SYN1: variants seen among roughly 807,000 people sequenced by gnomAD.
SYN1 encodes the protein synapsin I, also known as synapsin-1.
Under a neutral mutation model 44.6 loss-of-function variants are expected in SYN1, and 8 were observed. The ratio of observed to expected loss-of-function variants is 0.18; its 90% CI spans 0.11 to 0.32. SYN1 has a LOEUF of 0.32. Among genes scored for constraint, SYN1 ranks in the 10% least tolerant of loss-of-function variants. SYN1 has a pLI of 1.00. For missense variants in SYN1, 451 were observed against 639.4 expected (o/e 0.71, Z 3.18); for synonymous variants, 275 against 280.1 (o/e 0.98, Z 0.18).
chrX:47,571,951 C>G lies in SYN1; in HGVS notation c.*913G>C, dbSNP rs1159999943. ...GTTTCCCGACTCTTCTCTTGGGGTT[C>G]AGAGCCGCTGAGGGGTGGGGTGAGT... On this transcript the variant is annotated 3_prime_UTR_variant, in exon 13 of 13. Coordinates refer to ENST00000295987, the MANE Select transcript of SYN1 (RefSeq NM_006950.3). 1 of 161,558 alleles carries G rather than the reference C, an allele frequency of 6.2e-6. No homozygotes were observed. The allele number at this position is 161,558 out of a possible 1,213,427, so 13.3% of individuals were successfully genotyped here.
chrX:47,600,995 G>A (rs767749296), intron 5 of SYN1, among the ~76,000 whole-genome samples: 1 of 111,470 alleles, frequency 9.0e-6, no homozygotes, highest in South Asian at 3.7e-4. Flanking sequence ...AAAGAAAAGA[G>A]CAAACTAAGT....
intron 5 of SYN1, among the ~76,000 whole-genome samples, chrX:47,588,089 G>A (rs2057833615): frequency 8.9e-6 from 1 of 112,117 alleles, no homozygotes; most frequent in African/African-American, 3.2e-5. Context: ...ATTATGTCCC[G>A]GATGGGAATG....
At chrX:47,593,048 G>GT (rs113437831) in intron 5 of SYN1, among the ~76,000 whole-genome samples, 6,926 of 107,296 alleles carry the variant, frequency 0.065, 612 homozygotes, top group African/African-American at 0.22. Context: ...CTAATTTTGT[G>GT]TTTTTTTTGT....
At position 47,574,072 on chromosome X, in the gene SYN1, G is replaced by T. The variant is rs2057769058; in HGVS notation, c.1912C>A (p.Gln638Lys). ...GGCGGCACGTCCTGGCTGGGTTTCT[G>T]GGCCAGCTGTGGTTTGGGACGTCCA... is the stretch of plus-strand genomic sequence containing the variant. Reference protein sequence around the residue: ...PAGRPKPQLAQKPSQDVPPPA... With the variant: ...PAGRPKPQLAKKPSQDVPPPA... Residue 638 changes from glutamine to lysine, a missense_variant, in exon 12 of 13, where the codon CAG becomes AAG. Around this residue, in one of 3 missense-constraint regions of SYN1, gnomAD observed 127 missense variants for 154.8 expected, o/e 0.82. Coordinates refer to ENST00000295987, the MANE Select transcript of SYN1 (RefSeq NM_006950.3). The T allele has an allele frequency of 3.5e-6, 4 of 1,150,215 alleles. No individual in the cohort carries two copies. Among genetic ancestry groups the T allele is most frequent in the Non-Finnish European group, 4.6e-6 (4 of 868,542 alleles). The allele number at this position is 1,150,215 out of a possible 1,213,427, so 94.8% of individuals were successfully genotyped here. A position where few individuals can be genotyped will look rare whatever the true frequency, so the allele number is the denominator to read the frequency against.
chrX:47,606,730 AATAT>A (rs1176440504), intron 3 of SYN1, among the ~76,000 whole-genome samples: 1 of 99,358 alleles, frequency 1.0e-5, no homozygotes, highest in African/African-American at 3.8e-5. Flanking sequence ...CCCTGTCTGA[AATAT>A]ATATATATAT....
intron 1 of SYN1, among the ~76,000 whole-genome samples, chrX:47,607,696 T>C (rs1603072327): frequency 2.9e-5 from 2 of 69,194 alleles, no homozygotes; most frequent in Admixed American, 4.3e-4. Context: ...CTGGACAATA[T>C]AGAGAGACCC....
intron 1 of SYN1, among the ~76,000 whole-genome samples, chrX:47,608,673 C>T (rs184172669): frequency 9.1e-6 from 1 of 109,673 alleles, no homozygotes; most frequent in Admixed American, 9.7e-5. Flanking sequence ...AGGAACATCA[C>T]GAACTGCTAT....
At chrX:47,584,739 C>T (rs1395007744) in intron 5 of SYN1, among the ~76,000 whole-genome samples, 1 of 111,842 alleles carries the variant, frequency 8.9e-6, no homozygotes, top group Non-Finnish European at 1.9e-5. Context: ...ATGGCTTAAG[C>T]AGTGCCCGGC....
intron 5 of SYN1, among the ~76,000 whole-genome samples, chrX:47,588,427 TC>T (rs1336085865): frequency 7.1e-5 from 8 of 112,732 alleles, no homozygotes; most frequent in Non-Finnish European, 1.3e-4. Flanking sequence ...CCTCAGCTCT[TC>T]CAAGCCCTAG....
chrX:47,613,825 A>G (rs2057923713), intron 1 of SYN1, among the ~76,000 whole-genome samples: 1 of 111,961 alleles, frequency 8.9e-6, no homozygotes, highest in Non-Finnish European at 1.9e-5. Flanking sequence ...AGGTGAGATC[A>G]TGCAAGAATG....
chrX:47,615,156 C>A (rs1048683083), intron 1 of SYN1, among the ~76,000 whole-genome samples: 1 of 111,510 alleles, frequency 9.0e-6, no homozygotes, highest in African/African-American at 3.3e-5. Flanking sequence ...ATATAAGACA[C>A]ATATGTTGTA....
chrX:47,574,728 C>T lies in SYN1; in HGVS notation c.1353G>A (p.Gln451=). The T allele has an allele frequency of 1.7e-6, 2 of 1,189,652 alleles. No individual in the cohort carries two copies. The highest frequency in any genetic ancestry group is 1.1e-6 in the Non-Finnish European group (1 of 884,962). Residue 451 remains glutamine, a synonymous_variant, in exon 11 of 13, where the codon CAG becomes CAA. Transcript: ENST00000295987. The part of the protein sequence containing the change: ...ALPLGRQTSQ[Q]PAGPPAQQRP... The stretch of plus-strand genomic sequence containing the variant: ...GCTGCTGAGCCGGGGGCCCTGCGGG[C>T]TGCTGGGAGGTCTGGCGGCCCAAGG...
At chrX:47,605,463 C>T (rs1229523569) in intron 3 of SYN1, 84 bp from the exon 4 acceptor site, 3 of 1,100,603 alleles carry the variant, frequency 2.7e-6, no homozygotes, top group Non-Finnish European at 2.5e-6. Context: ...TTTTAAATCT[C>T]CATAGCTCCC....
rs2057892179 is a variant in SYN1, at chrX:47,605,061, G to C, written c.691C>G (p.Gln231Glu). ...NFCDKPWVFAQMVRLHKKLGT... is the reference protein window; with the variant it reads ...NFCDKPWVFAEMVRLHKKLGT... ...AGTTTCTTATGCAGTCGAACCATCT[G>C]GGCAAACTATGAGAACCAGGAGAGC... The change falls in exon 5 of 13, where the codon CAG becomes GAG. Residue 231 changes from glutamine to glutamate, a missense_variant. Coordinates refer to ENST00000295987, the MANE Select transcript of SYN1 (RefSeq NM_006950.3). 1 of 1,210,855 alleles carries C rather than the reference G, an allele frequency of 8.3e-7. No individual in the cohort carries two copies. The highest frequency in any genetic ancestry group is 1.1e-6 in the Non-Finnish European group (1 of 894,755).
At chrX:47,606,911 G>A (rs747033234) in intron 3 of SYN1, 34 bp downstream of exon 3, 1 of 1,174,936 alleles carries the variant, frequency 8.5e-7, no homozygotes, top group South Asian at 1.8e-5. Context: ...CTTATGCCTT[G>A]CTCATAACAC....
At chrX:47,585,273 G>A (rs200254858) in intron 5 of SYN1, 97 of 1,209,272 alleles carry the variant, frequency 8.0e-5, no homozygotes, top group Non-Finnish European at 1.1e-4. Context: ...CCGCCATGGA[G>A]AGTGTCTGCG....
At position 47,619,776 on chromosome X, in the gene SYN1, C is replaced by T. The variant is rs2057942687; in HGVS notation, c.-48G>A. ...TCCTAGGGGTGGTCTGGCCAGGAGC[C>T]GCGGGGGCGGACTGCGCGGTGCCCA... On this transcript the variant is annotated 5_prime_UTR_variant, in exon 1 of 13. Coordinates refer to ENST00000295987, the MANE Select transcript of SYN1 (RefSeq NM_006950.3). The T allele has an allele frequency of 8.8e-7, 1 of 1,136,042 alleles. No homozygotes were observed. The highest frequency in any genetic ancestry group is 2.6e-5 in the Admixed American group (1 of 38,185). The allele number at this position is 1,136,042 out of a possible 1,213,427, so 93.6% of individuals were successfully genotyped here.
chrX:47,602,052 T>C (rs1388775089), intron 5 of SYN1, among the ~76,000 whole-genome samples: 1 of 112,480 alleles, frequency 8.9e-6, no homozygotes, highest in East Asian at 2.8e-4. Context: ...AAGGAGAAAT[T>C]TGTCAACACT....
At position 47,574,780 on chromosome X, in the gene SYN1, G is replaced by A; in HGVS notation, c.1306-5C>T. ...CAGGGCCCCTGGGGACGGAGTCTGC[G>A]GCAGAGGAATGGAGCAGGAGAGGTT... On this transcript the variant is annotated splice_polypyrimidine_tract_variant and splice_region_variant and intron_variant, in intron 10 of 12. Coordinates refer to ENST00000295987, the MANE Select transcript of SYN1 (RefSeq NM_006950.3). 2.5e-6 allele frequency: 3 copies of A among 1,179,289 alleles called. No individual in the cohort carries two copies. The highest frequency in any genetic ancestry group is 3.4e-6 in the Non-Finnish European group (3 of 877,166).
Sources: gnomAD v4.1 joint callset for allele counts (sites outside exome capture counted in the v4.1 genomes callset) on GRCh38, gnomAD v4.1.1 for gene constraint, gnomAD v4.1.1 regional missense constraint, MANE v1.5 for transcripts, NCBI Gene and HGNC (gene_info 2026-07-23, HGNC 2026-07-21) for gene names.